The following AGBL1 variants were observed in gnomAD, a reference collection of about 807,000 sequenced individuals.
AGBL1 encodes the protein cytosolic carboxypeptidase 4.
In AGBL1, 130 loss-of-function variants were observed where a neutral mutation model predicts 118.9. The observed-to-expected ratio is 1.09, with a 90% CI of 0.95 to 1.26. The LOEUF (loss-of-function observed/expected upper bound fraction) is 1.26, where lower values mean the gene tolerates loss of function less well. Ranked by LOEUF, AGBL1 falls within the 50% of genes most tolerant of loss-of-function variation. AGBL1 has a pLI of 0.00. For synonymous variants in AGBL1, 555 were observed against 478.9 expected, an observed-to-expected ratio of 1.16 and a Z score of -2.08; for missense variants, 1,584 against 1,298.1, an observed-to-expected ratio of 1.22 and a Z score of -3.38.
intron 16 of AGBL1, among the ~76,000 whole-genome samples, chr15:86,291,861 G>T (rs768205983): frequency 1.6e-4 from 25 of 152,128 alleles, no homozygotes; most frequent in Non-Finnish European, 1.6e-4. Context: ...CCTGATACTC[G>T]TTATTTGATG....
intron 17 of AGBL1, among the ~76,000 whole-genome samples, chr15:86,383,434 A>G (rs2081140473): frequency 6.6e-6 from 1 of 151,616 alleles, no homozygotes; most frequent in Admixed American, 6.6e-5. Context: ...CTAAAAATGC[A>G]AAAATTAGTC....
At chr15:86,846,332 C>T (rs2079317717) in intron 22 of AGBL1, among the ~76,000 whole-genome samples, 1 of 152,128 alleles carries the variant, frequency 6.6e-6, no homozygotes, top group African/African-American at 2.4e-5. Context: ...CATGTCATTT[C>T]ACTGTTTTGA....
chr15:86,588,694 C>A (rs2142346831), intron 21 of AGBL1, among the ~76,000 whole-genome samples: 1 of 152,252 alleles, frequency 6.6e-6, no homozygotes, highest in African/African-American at 2.4e-5. Context: ...ACTCCGGAAT[C>A]TTCTGTTTGC....
chr15:86,149,351 A>G (rs565119388), intron 3 of AGBL1, among the ~76,000 whole-genome samples: 1 of 152,344 alleles, frequency 6.6e-6, no homozygotes, highest in East Asian at 1.9e-4. Context: ...TAAAGAGTCA[A>G]GATCCATCAG....
At chr15:86,647,384 G>T (rs1372906122) in intron 21 of AGBL1, among the ~76,000 whole-genome samples, 2 of 152,172 alleles carry the variant, frequency 1.3e-5, no homozygotes, top group African/African-American at 4.8e-5. Context: ...AGAAATCCTT[G>T]TTTTCATGCA....
chr15:86,972,600 C>T (rs1431680496), intron 23 of AGBL1, among the ~76,000 whole-genome samples: 2 of 152,012 alleles, frequency 1.3e-5, no homozygotes, highest in Admixed American at 1.3e-4. Context: ...ATGCACTGAG[C>T]TTTTGGCCAG....
At chr15:86,805,255 C>T (rs996089532) in intron 22 of AGBL1, among the ~76,000 whole-genome samples, 36 of 151,668 alleles carry the variant, frequency 2.4e-4, no homozygotes, top group African/African-American at 8.5e-4. Flanking sequence ...ACAAATAGAC[C>T]CTAGAGGCCG....
At chr15:87,009,666 G>C (rs899344416) in intron 24 of AGBL1, among the ~76,000 whole-genome samples, 8 of 152,214 alleles carry the variant, frequency 5.3e-5, no homozygotes, top group African/African-American at 1.9e-4. Context: ...AAAGCAGCTG[G>C]GAGGGAGGCT....
chr15:86,161,285 C>T (rs1394810555), intron 5 of AGBL1, among the ~76,000 whole-genome samples: 1 of 152,210 alleles, frequency 6.6e-6, no homozygotes, highest in Non-Finnish European at 1.5e-5. Flanking sequence ...TACAATATAG[C>T]TGTCATTGGC....
At chr15:86,862,173 G>A (rs7180902) in intron 22 of AGBL1, among the ~76,000 whole-genome samples, 24,269 of 152,050 alleles carry the variant, frequency 0.16, 2,027 homozygotes, top group South Asian at 0.24. Flanking sequence ...TAGTCTCTAC[G>A]CAGAGTAACT....
At chr15:86,260,272 C>G (rs921214810) in intron 9 of AGBL1, among the ~76,000 whole-genome samples, 1 of 152,214 alleles carries the variant, frequency 6.6e-6, no homozygotes, top group Non-Finnish European at 1.5e-5. Context: ...TGATCCAGGC[C>G]TTTAACCTGT....
intron 18 of AGBL1, among the ~76,000 whole-genome samples, chr15:86,462,548 C>T (rs1012794538): frequency 2.0e-5 from 3 of 152,076 alleles, no homozygotes; most frequent in Non-Finnish European, 4.4e-5. Context: ...AACTCGTCAT[C>T]TACATTAGGT....
intron 23 of AGBL1, among the ~76,000 whole-genome samples, chr15:86,932,105 A>G (rs1407733064): frequency 6.6e-6 from 1 of 152,206 alleles, no homozygotes; most frequent in African/African-American, 2.4e-5. Flanking sequence ...AAATATAATT[A>G]GTTCCTGAGG....
At chr15:86,608,061 C>G (rs536055575) in intron 21 of AGBL1, among the ~76,000 whole-genome samples, 1 of 152,182 alleles carries the variant, frequency 6.6e-6, no homozygotes, top group Non-Finnish European at 1.5e-5. Flanking sequence ...AGTGCTTTAA[C>G]ACCAAGTAAT....
intron 23 of AGBL1, chr15:86,939,671 C>T (rs1196436440): frequency 2.0e-5 from 3 of 152,202 alleles, no homozygotes; most frequent in African/African-American, 7.2e-5. Context: ...CAAAGGCTAA[C>T]GTGATGTTTC....
intron 7 of AGBL1, among the ~76,000 whole-genome samples, chr15:86,255,527 A>T (rs1395463324): frequency 2.0e-5 from 3 of 152,162 alleles, no homozygotes; most frequent in African/African-American, 7.2e-5. Context: ...CATGCCTGTA[A>T]TCCCAGTACT....
chr15:86,367,399 C>T (rs2080905349), intron 17 of AGBL1, among the ~76,000 whole-genome samples: 1 of 152,052 alleles, frequency 6.6e-6, no homozygotes, highest in African/African-American at 2.4e-5. Flanking sequence ...CCTATTAGGT[C>T]AAATACAAGT....
At chr15:86,396,243 G>GTGTGTA (rs928214589) in intron 17 of AGBL1, among the ~76,000 whole-genome samples, 18 of 126,628 alleles carry the variant, frequency 1.4e-4, no homozygotes, top group African/African-American at 5.6e-4. Context: ...GTGTGTGTGT[G>GTGTGTA]TATATATATA....
intron 24 of AGBL1, among the ~76,000 whole-genome samples, chr15:87,025,399 AAAAAC>A (rs2081715993): frequency 2.0e-5 from 3 of 151,886 alleles, no homozygotes; most frequent in Non-Finnish European, 4.4e-5. Context: ...AAACAAAAAC[AAAAAC>A]AAAAAACATG....
Sources: gnomAD v4.1 joint callset for allele counts (sites outside exome capture counted in the v4.1 genomes callset) on GRCh38, gnomAD v4.1.1 for gene constraint, MANE v1.5 for transcripts, NCBI Gene and HGNC (gene_info 2026-07-23, HGNC 2026-07-21) for gene names.